Variants in COL24A1 observed in about 807,000 individuals in gnomAD.
The protein encoded by COL24A1 is collagen alpha-1(XXIV) chain.
In COL24A1, 224 loss-of-function variants were observed where a neutral mutation model predicts 253.9. The observed-to-expected ratio is 0.88, with a 90% CI of 0.79 to 0.99. The LOEUF is 0.99. Ranked by LOEUF, COL24A1 falls within the 50% of genes least tolerant of loss-of-function variation. The probability of loss-of-function intolerance (pLI) is 0.00; values close to 1 mark genes in which losing one functional copy is unlikely to be tolerated. For missense variants in COL24A1, 2,131 were observed against 2,068.5 expected, an observed-to-expected ratio of 1.03 and a Z score of -0.59; for synonymous variants, 685 against 673.7, an observed-to-expected ratio of 1.02 and a Z score of -0.26.
intron 59 of COL24A1, among the ~76,000 whole-genome samples, chr1:85,732,620 T>G (rs1395431798): frequency 6.6e-6 from 1 of 152,138 alleles, no homozygotes; most frequent in Non-Finnish European, 1.5e-5. Context: ...TATTTATTTT[T>G]TACTTTAATT....
At chr1:86,136,169 T>C (rs1650222159) in intron 2 of COL24A1, among the ~76,000 whole-genome samples, 1 of 152,096 alleles carries the variant, frequency 6.6e-6, no homozygotes, top group Non-Finnish European at 1.5e-5. Context: ...TGAGTAGATT[T>C]TTGCATTTTC....
intron 11 of COL24A1, 21 bp downstream of exon 11, chr1:86,050,103 A>G: frequency 1.9e-6 from 3 of 1,606,386 alleles, no homozygotes; most frequent in Non-Finnish European, 2.6e-6. Context: ...TAGAAATACT[A>G]TTTGAAGGGA....
At chr1:86,122,225 C>A (rs943719698) in intron 3 of COL24A1, among the ~76,000 whole-genome samples, 5 of 152,100 alleles carry the variant, frequency 3.3e-5, no homozygotes, top group African/African-American at 7.2e-5. Flanking sequence ...TTTGGCCCTG[C>A]TGATCAATTC....
At chr1:86,022,919 A>G (rs539251474) in intron 15 of COL24A1, 35 bp downstream of exon 15, 1 of 1,612,510 alleles carries the variant, frequency 6.2e-7, no homozygotes, top group African/African-American at 1.3e-5. Flanking sequence ...TAGACAGATT[A>G]AAGGGAAATA....
intron 7 of COL24A1, among the ~76,000 whole-genome samples, chr1:86,064,111 A>T (rs1241789484): frequency 6.6e-6 from 1 of 152,114 alleles, no homozygotes; most frequent in Non-Finnish European, 1.5e-5. Flanking sequence ...TGAAGCTTTT[A>T]AAAAGTTAGT....
intron 35 of COL24A1, among the ~76,000 whole-genome samples, chr1:85,870,366 C>A (rs563386900): frequency 2.8e-4 from 43 of 152,322 alleles, no homozygotes; most frequent in African/African-American, 1.0e-3. Flanking sequence ...ATCTACAGAA[C>A]TTTCCACCCC....
At chr1:85,771,564 G>A (rs112282288) in intron 53 of COL24A1, among the ~76,000 whole-genome samples, 3,705 of 152,170 alleles carry the variant, frequency 0.024, 66 homozygotes, top group Middle Eastern at 0.044. Context: ...ATAAACATAC[G>A]TGTGCATGTG....
At chr1:85,847,254 G>T (rs371595320) in intron 39 of COL24A1, among the ~76,000 whole-genome samples, 12 of 152,136 alleles carry the variant, frequency 7.9e-5, no homozygotes, top group African/African-American at 2.9e-4. Flanking sequence ...AATAAAGCAG[G>T]TTTGTTTCCA....
chr1:85,991,336 A>G (rs1386570702), intron 19 of COL24A1, among the ~76,000 whole-genome samples: 2 of 152,240 alleles, frequency 1.3e-5, no homozygotes, highest in Non-Finnish European at 2.9e-5. Flanking sequence ...GAACTTGTAG[A>G]GTGAAAGACA....
intron 19 of COL24A1, among the ~76,000 whole-genome samples, chr1:85,989,938 G>A (rs1261495964): frequency 2.0e-5 from 3 of 152,034 alleles, no homozygotes; most frequent in African/African-American, 7.2e-5. Context: ...GGTCCTATAA[G>A]GTCCCTTAAT....
intron 14 of COL24A1, among the ~76,000 whole-genome samples, chr1:86,024,659 G>A (rs547219497): frequency 1.3e-5 from 2 of 152,152 alleles, no homozygotes; most frequent in Non-Finnish European, 2.9e-5. Flanking sequence ...CATGATGCTT[G>A]TAATTTCAAA....
At chr1:85,831,988 T>C (rs984559513) in intron 43 of COL24A1, among the ~76,000 whole-genome samples, 1 of 152,094 alleles carries the variant, frequency 6.6e-6, no homozygotes, top group Non-Finnish European at 1.5e-5. Flanking sequence ...GTTTTAGACA[T>C]GAAGTCCTTG....
At chr1:85,764,455 TACACACAC>T (rs71075861) in intron 53 of COL24A1, among the ~76,000 whole-genome samples, 8,542 of 137,192 alleles carry the variant, frequency 0.062, 642 homozygotes, top group African/African-American at 0.17. Context: ...AGGTGGAGGA[TACACACAC>T]ACACACACAC....
intron 47 of COL24A1, among the ~76,000 whole-genome samples, chr1:85,814,616 A>T (rs1014717211): frequency 9.6e-4 from 146 of 152,222 alleles, no homozygotes; most frequent in African/African-American, 3.3e-3. Context: ...GGCAATTCAG[A>T]TTTCCATAAT....
At chr1:86,065,775 G>T (rs1435134350) in intron 7 of COL24A1, among the ~76,000 whole-genome samples, 2 of 112,236 alleles carry the variant, frequency 1.8e-5, no homozygotes, top group East Asian at 3.5e-4. Context: ...AAAAAAAAAA[G>T]AGAGAGACAA....
chr1:86,097,517 C>T (rs1278241358), intron 5 of COL24A1, among the ~76,000 whole-genome samples: 3 of 3,864 alleles, frequency 7.8e-4, no homozygotes, highest in Admixed American at 3.8e-3. Context: ...CTCCTCCCTC[C>T]TCCTCCCTCC....
rs74532975 is a variant in COL24A1, at chr1:85,902,898, G to A, written c.2778+4296C>T. On this transcript the variant is annotated intron_variant, in intron 28 of 59. Transcript: ENST00000370571. The stretch of plus-strand genomic sequence containing the variant: ...ATTGTATATTTCAAAATAACCAGAA[G>A]AGTGGACTTGAAATGTTCCCAGCAC... Among the ~76,000 whole-genome samples, 489 of 152,194 alleles carry A rather than the reference G, an allele frequency of 3.2e-3. 6 individuals carry two copies. Among genetic ancestry groups the A allele is most frequent in the African/African-American group, 0.011 (476 of 41,514 alleles).
intron 24 of COL24A1, among the ~76,000 whole-genome samples, chr1:85,950,764 T>C (rs184549435): frequency 3.5e-4 from 54 of 152,216 alleles, no homozygotes; most frequent in African/African-American, 1.2e-3. Context: ...GAAGTGGTAA[T>C]AGAAACATGT....
chr1:86,079,811 A>G (rs776867025), intron 7 of COL24A1, among the ~76,000 whole-genome samples: 18 of 152,272 alleles, frequency 1.2e-4, no homozygotes, highest in African/African-American at 4.1e-4. Context: ...ATCCTCATAC[A>G]CTATTCATGG....
Sources: gnomAD v4.1 joint callset for allele counts (sites outside exome capture counted in the v4.1 genomes callset) on GRCh38, gnomAD v4.1.1 for gene constraint, MANE v1.5 for transcripts, NCBI Gene and HGNC (gene_info 2026-07-23, HGNC 2026-07-21) for gene names.